ENTPD3: variants seen among roughly 807,000 people sequenced by gnomAD.
ENTPD3 encodes CD39 antigen-like 3.
In ENTPD3, 60 loss-of-function variants were observed where a neutral mutation model predicts 51.2. The ratio of observed to expected loss-of-function variants is 1.17; its 90% CI spans 0.95 to 1.45. The LOEUF (loss-of-function observed/expected upper bound fraction) is 1.45. Among genes scored for constraint, ENTPD3 ranks in the 40% most tolerant of loss-of-function variants. The pLI, the probability that ENTPD3 is intolerant of heterozygous loss-of-function variation, is 0.00. For synonymous variants in ENTPD3, 221 were observed against 238.4 expected (o/e 0.93, Z 0.67); for missense variants, 593 against 641.1 (o/e 0.93, Z 0.81).
chr3:40,428,356 C>G lies in ENTPD3; in HGVS notation c.*848C>G, dbSNP rs1956019218. ...GTATATATTTTTGTCACCATTCCCA[C>G]AAGTATACTTGATGTTGTCATAGAA... On this transcript the variant is annotated 3_prime_UTR_variant, in exon 11 of 11. Transcript: ENST00000301825. 6.6e-6 allele frequency: 1 copy of G among 152,200 alleles called. No individual in the cohort carries two copies. Among genetic ancestry groups the G allele is most frequent in the Non-Finnish European group, 1.5e-5 (1 of 68,052 alleles). The allele number at this position is 152,200 out of a possible 1,614,324, so 9.4% of individuals were successfully genotyped here.
At chr3:40,389,399 G>A (rs1172604512) in intron 2 of ENTPD3, among the ~76,000 whole-genome samples, 1 of 152,164 alleles carries the variant, frequency 6.6e-6, no homozygotes, top group Non-Finnish European at 1.5e-5. Flanking sequence ...TCAACTCCAT[G>A]GCAGTTGGCT....
At chr3:40,401,508 A>G (rs1337058598) in intron 4 of ENTPD3, among the ~76,000 whole-genome samples, 1 of 152,252 alleles carries the variant, frequency 6.6e-6, no homozygotes, top group Admixed American at 6.5e-5. Context: ...TATAATGGGC[A>G]GTGAGCATGC....
At chr3:40,424,627 G>A (rs987678158) in intron 10 of ENTPD3, 6 of 610,292 alleles carry the variant, frequency 9.8e-6, no homozygotes, top group Non-Finnish European at 1.8e-5. Flanking sequence ...TGACCAGAAT[G>A]GTCCAAAGCT....
intron 10 of ENTPD3, chr3:40,424,977 T>G: frequency 2.3e-6 from 1 of 431,962 alleles, no homozygotes; most frequent in Non-Finnish European, 4.2e-6. Flanking sequence ...TTGCTTCTAA[T>G]AAATCTAATT....
At chr3:40,400,701 C>CTTTTT (rs1955333500) in intron 3 of ENTPD3, among the ~76,000 whole-genome samples, 193 bp from the exon 4 acceptor site, 1 of 152,104 alleles carries the variant, frequency 6.6e-6, no homozygotes, top group Non-Finnish European at 1.5e-5. Context: ...CCTGCCCTAC[C>CTTTTT]TTTCCTCATT....
intron 9 of ENTPD3, 154 bp from the exon 10 acceptor site, chr3:40,423,672 A>T (rs547883126): frequency 4.5e-6 from 2 of 448,912 alleles, no homozygotes; most frequent in South Asian, 1.9e-4. Flanking sequence ...ATATTTTCAT[A>T]ATTATATTGT....
chr3:40,427,371 CCTGT>C lies in ENTPD3; in HGVS notation c.1456_1459del (p.Val486LeufsTer77), dbSNP rs758388426. ...TCTGATCCGTCTGCCCATAGAACCA[CCTGT>C]CTTTGTGGGCACCCTCGCTTTCTTC... is the stretch of plus-strand genomic sequence containing the variant. On this transcript the variant is annotated frameshift_variant, in exon 11 of 11. Transcript: ENST00000301825. LOFTEE classifies it low-confidence loss of function (END_TRUNC). 18 of 1,614,180 alleles carry C rather than the reference CCTGT, an allele frequency of 1.1e-5. No homozygotes were observed. The highest frequency in any genetic ancestry group is 1.3e-5 in the Non-Finnish European group (15 of 1,180,040).
At chr3:40,408,099 G>T (rs1441817680) in intron 4 of ENTPD3, among the ~76,000 whole-genome samples, 1 of 152,070 alleles carries the variant, frequency 6.6e-6, no homozygotes, top group Non-Finnish European at 1.5e-5. Context: ...ATAAATAAAT[G>T]GCAAGATAAA....
chr3:40,408,173 T>C (rs936680885), intron 4 of ENTPD3, among the ~76,000 whole-genome samples: 1 of 152,034 alleles, frequency 6.6e-6, no homozygotes, highest in African/African-American at 2.4e-5. Context: ...ACATACAAGG[T>C]ATGGACTTTG....
chr3:40,410,951 T>C (rs1955613422), intron 4 of ENTPD3, among the ~76,000 whole-genome samples: 3 of 151,892 alleles, frequency 2.0e-5, no homozygotes, highest in African/African-American at 7.3e-5. Flanking sequence ...TGAGAACGAA[T>C]ATGGAGGCAA....
Position 40,423,140 on chromosome 3 carries a change from T to A in ENTPD3, c.1104+18T>A. 6.3e-7 allele frequency: 1 copy of A among 1,599,832 alleles called. No homozygotes were observed. The highest frequency in any genetic ancestry group is 8.5e-7 in the Non-Finnish European group (1 of 1,172,242). On this transcript the variant is annotated intron_variant, in intron 8 of 10. Transcript: ENST00000301825. ...CATTTGTGGTAAGAGCAAAACCTTCTGAAAGATTCCTTTCCCCATTGAATA... is the reference window on the plus strand; with the variant it reads ...CATTTGTGGTAAGAGCAAAACCTTCAGAAAGATTCCTTTCCCCATTGAATA...
At chr3:40,387,730 G>C (rs1030175127) in intron 1 of ENTPD3, among the ~76,000 whole-genome samples, 3 of 152,132 alleles carry the variant, frequency 2.0e-5, no homozygotes, top group African/African-American at 7.2e-5. Flanking sequence ...TTAATAATAG[G>C]GGGAAGATTT....
At chr3:40,396,267 T>C (rs548007356) in intron 3 of ENTPD3, among the ~76,000 whole-genome samples, 1 of 152,370 alleles carries the variant, frequency 6.6e-6, no homozygotes, top group African/African-American at 2.4e-5. Context: ...GTGTTCCACA[T>C]GCAGTTTTTC....
chr3:40,411,669 T>C (rs1282569045), intron 4 of ENTPD3, 143 bp from the exon 5 acceptor site: 4 of 651,848 alleles, frequency 6.1e-6, no homozygotes, highest in South Asian at 2.7e-5. Flanking sequence ...AGTGTGACCA[T>C]ACGGGACTTA....
rs9843979 is a variant in ENTPD3 at position 40,410,292 on chromosome 3, T to C, written c.287-1520T>C. On this transcript the variant is annotated intron_variant, in intron 4 of 10. Transcript: ENST00000301825. ...TCTGTCTCTACAAAAAATACAAAAA[T>C]TAGCCAGGCACGGTGGCACGTGCCT... Among the ~76,000 whole-genome samples, 943 of 151,842 alleles carry C rather than the reference T, an allele frequency of 6.2e-3. 4 individuals carry two copies. The highest frequency in any genetic ancestry group is 0.022 in the African/African-American group (891 of 41,428).
At chr3:40,391,992 C>T (rs747087154) in intron 2 of ENTPD3, 31 bp from the exon 3 acceptor site, 10 of 1,613,060 alleles carry the variant, frequency 6.2e-6, no homozygotes, top group Non-Finnish European at 8.5e-6. Context: ...TTACCTCCCC[C>T]TCAAGTGTCT....
At chr3:40,421,342 G>A (rs1220319879) in intron 7 of ENTPD3, among the ~76,000 whole-genome samples, 1 of 152,140 alleles carries the variant, frequency 6.6e-6, no homozygotes, top group Admixed American at 6.5e-5. Flanking sequence ...AGATTTTACT[G>A]TAGGGGAAGC....
At chr3:40,396,863 G>C (rs1198450556) in intron 3 of ENTPD3, among the ~76,000 whole-genome samples, 1 of 152,120 alleles carries the variant, frequency 6.6e-6, no homozygotes, top group Non-Finnish European at 1.5e-5. Context: ...CAGTCTAAAG[G>C]TTTTAAGGAT....
chr3:40,412,240 TAA>T (rs1483794617), intron 5 of ENTPD3, among the ~76,000 whole-genome samples: 6 of 152,238 alleles, frequency 3.9e-5, no homozygotes, highest in Non-Finnish European at 7.3e-5. Context: ...TCATGGGATA[TAA>T]CTCTAGTTCT....
Sources: allele counts gnomAD v4.1 joint callset (sites outside exome capture counted in the v4.1 genomes callset), GRCh38; gene constraint gnomAD v4.1.1; transcripts MANE v1.5; gene names NCBI Gene and HGNC (gene_info 2026-07-23, HGNC 2026-07-21).